RARB: variants seen among roughly 807,000 people sequenced by gnomAD.
RARB encodes the protein HBV-activated protein.
In RARB, 17 loss-of-function variants were observed where a neutral mutation model predicts 51.9. The observed-to-expected ratio is 0.33, with a 90% confidence interval of 0.22 to 0.49. The LOEUF (loss-of-function observed/expected upper bound fraction) is 0.49, where lower values mean the gene tolerates loss of function less well. Among genes scored for constraint, RARB ranks in the 20% least tolerant of loss-of-function variants. RARB has a pLI of 0.99. For synonymous variants in RARB, 215 were observed against 195.4 expected (o/e 1.10, Z -0.84); for missense variants, 369 against 550.8 (o/e 0.67, Z 3.30).
chr3:25,247,587 C>T (rs114710820), intron 5 of RARB, among the ~76,000 whole-genome samples: 1,680 of 152,240 alleles, frequency 0.011, 32 homozygotes, highest in African/African-American at 0.038. Flanking sequence ...GTTCCCTCAC[C>T]CCTTGAACTT....
chr3:25,393,715 G>C (rs1024073808), intron 5 of RARB, among the ~76,000 whole-genome samples: 1 of 151,966 alleles, frequency 6.6e-6, no homozygotes, highest in African/African-American at 2.4e-5. Context: ...GTTCATAGTA[G>C]CCTTGAATGA....
intron 1 of RARB, among the ~76,000 whole-genome samples, chr3:24,834,911 C>T (rs1702323890): frequency 6.6e-6 from 1 of 152,086 alleles, no homozygotes; most frequent in South Asian, 2.1e-4. Flanking sequence ...TTTATTTCTT[C>T]CTTTCCTTTT....
chr3:25,164,160 T>G lies in RARB; in HGVS notation c.-279-9959T>G, dbSNP rs13434163. Among the ~76,000 whole-genome samples the G allele has an allele frequency of 8.6e-3, 1,309 of 152,260 alleles. 14 individuals carry two copies. Among genetic ancestry groups the G allele is most frequent in the African/African-American group, 0.03 (1,236 of 41,548 alleles). ...TGGGGAGAAGGTAGCTGGAAAGAAC[T>G]AGTTATTATATCTTTGACCTCAGCC... On this transcript the variant is annotated intron_variant, in intron 4 of 11. Transcript: ENST00000383772.
chr3:25,041,019 G>A (rs143645023), intron 2 of RARB, among the ~76,000 whole-genome samples: 2 of 152,254 alleles, frequency 1.3e-5, no homozygotes, highest in East Asian at 3.9e-4. Context: ...CATAAAGAAG[G>A]TACTACAAAA....
chr3:25,509,246 T>C (rs941810945), intron 3 of RARB, among the ~76,000 whole-genome samples: 2 of 152,210 alleles, frequency 1.3e-5, no homozygotes, highest in African/African-American at 2.4e-5. Flanking sequence ...TGCGTGGAGA[T>C]TATCACAGAA....
chr3:25,098,552 C>T (rs1263418887), intron 3 of RARB, among the ~76,000 whole-genome samples: 2 of 152,146 alleles, frequency 1.3e-5, no homozygotes, highest in African/African-American at 4.8e-5. Context: ...AAAGATGAAC[C>T]TAGATCAGGA....
rs1003507911 is a variant in RARB, at chr3:25,367,813, C to A, written c.179-93380C>A. On this transcript the variant is annotated intron_variant, in intron 5 of 11. Transcript: ENST00000383772. ...AGTGAGACCCTGTCACAAAAAAAAA[C>A]AAGCAAAAAAAAAACAAAAACAAAA... Among the ~76,000 whole-genome samples the A allele has an allele frequency of 1.7e-4, 15 of 87,596 alleles. No individual in the cohort carries two copies. The East Asian group carries it at 2.0e-3, about 12-fold the overall frequency. 57.5% of individuals were successfully genotyped at this position (87,596 alleles called of 152,430 possible).
At chr3:25,234,675 A>G (rs748722621) in intron 5 of RARB, among the ~76,000 whole-genome samples, 5 of 151,784 alleles carry the variant, frequency 3.3e-5, no homozygotes, top group African/African-American at 4.8e-5. Context: ...CGTCCCAAAT[A>G]GTTCCCTTTT....
At chr3:25,287,215 G>A (rs796289139) in intron 5 of RARB, among the ~76,000 whole-genome samples, 70 of 152,202 alleles carry the variant, frequency 4.6e-4, no homozygotes, top group African/African-American at 1.6e-3. Flanking sequence ...TTGAACTCTG[G>A]TGTCGCTCCC....
At chr3:25,502,942 A>G (rs1482111267) in intron 3 of RARB, among the ~76,000 whole-genome samples, 1 of 152,244 alleles carries the variant, frequency 6.6e-6, no homozygotes, top group Non-Finnish European at 1.5e-5. Flanking sequence ...ATCTGCCAAG[A>G]AGAACCCATT....
upstream of RARB, among the ~76,000 whole-genome samples, chr3:25,426,590 A>C (rs1220414778): frequency 6.6e-6 from 1 of 152,212 alleles, no homozygotes; most frequent in Admixed American, 6.5e-5. Context: ...ACTATCCACA[A>C]AAAGGAGACT....
chr3:24,984,879 C>T lies in RARB; in HGVS notation c.-379-75246C>T, dbSNP rs1202572365. 1.8e-4 allele frequency among the ~76,000 whole-genome samples: 28 copies of T among 152,182 alleles called. 1 individual carries two copies. The highest frequency in any genetic ancestry group is 1.8e-3 in the Admixed American group (27 of 15,284). ...CTTTAGCTCAGTGAAAACGTAAGTT[C>T]CAAAAGCAATAGCCTGCAATTTCCT... On this transcript the variant is annotated intron_variant, in intron 2 of 11. Transcript: ENST00000383772.
At chr3:25,109,113 G>T (rs1699557927) in intron 3 of RARB, among the ~76,000 whole-genome samples, 1 of 152,146 alleles carries the variant, frequency 6.6e-6, no homozygotes, top group Admixed American at 6.6e-5. Context: ...TGTTACTGAT[G>T]TAACATGCAA....
chr3:25,523,108 A>G (rs1304173242), intron 3 of RARB, among the ~76,000 whole-genome samples: 3 of 152,196 alleles, frequency 2.0e-5, no homozygotes, highest in Non-Finnish European at 4.4e-5. Context: ...CACAGCCAAT[A>G]TGTGCCCAAA....
chr3:25,545,370 A>G (rs1413642812), intron 3 of RARB, among the ~76,000 whole-genome samples: 2 of 152,154 alleles, frequency 1.3e-5, no homozygotes, highest in Non-Finnish European at 1.5e-5. Context: ...AAAGGTGCTC[A>G]GTGTGGCTTA....
chr3:25,161,178 AATTATTATT>A (rs72136020), intron 4 of RARB, among the ~76,000 whole-genome samples: 66,699 of 142,000 alleles, frequency 0.47, 16,071 homozygotes, highest in East Asian at 0.71. Context: ...ATGCCCAGCT[AATTATTATT>A]ATTATTATTA....
intron 1 of RARB, among the ~76,000 whole-genome samples, chr3:24,858,287 T>C (rs1419543749): frequency 6.6e-6 from 1 of 152,148 alleles, no homozygotes; most frequent in Non-Finnish European, 1.5e-5. Context: ...TTTTATCCAA[T>C]CTACTTTTAA....
chr3:25,163,944 T>A (rs751859869), intron 4 of RARB, among the ~76,000 whole-genome samples: 1 of 152,178 alleles, frequency 6.6e-6, no homozygotes, highest in African/African-American at 2.4e-5. Context: ...AGGAACTAAC[T>A]GCGTCTCACA....
At chr3:24,829,444 T>G (rs1254053039) in intron 1 of RARB, among the ~76,000 whole-genome samples, 2 of 152,108 alleles carry the variant, frequency 1.3e-5, no homozygotes, top group Admixed American at 6.5e-5. Flanking sequence ...TCCTGTTGGG[T>G]GGCTGCTGTC....
Sources: allele counts gnomAD v4.1 joint callset (sites outside exome capture counted in the v4.1 genomes callset), GRCh38; gene constraint gnomAD v4.1.1; transcripts MANE v1.5; gene names NCBI Gene and HGNC (gene_info 2026-07-23, HGNC 2026-07-21).